HSCB: variants seen among roughly 807,000 people sequenced by gnomAD.
HSCB encodes the protein HscB mitochondrial iron-sulfur cluster cochaperone, also known as iron-sulfur cluster co-chaperone protein HscB.
Under a neutral mutation model 31.3 loss-of-function variants are expected in HSCB, and 23 were observed. The observed-to-expected ratio is 0.74, with a 90% CI of 0.53 to 1.04. The LOEUF is 1.04. Among genes scored for constraint, HSCB ranks in the 50% least tolerant of loss-of-function variants. The pLI is 0.00. For missense variants in HSCB, 297 were observed against 288.1 expected, an observed-to-expected ratio of 1.03 and a Z score of -0.22; for synonymous variants, 110 against 104.5, an observed-to-expected ratio of 1.05 and a Z score of -0.32.
chr22:28,744,759 T>C lies in HSCB; in HGVS notation c.423+55T>C, dbSNP rs529332381. ...TGACGTCCTGATGCCCATTATGGCG[T>C]AGGACAGCCACGTCCCCTTTATTCA... On this transcript the variant is annotated intron_variant, in intron 3 of 5. Coordinates refer to ENST00000216027, the MANE Select transcript of HSCB (RefSeq NM_172002.5). 3.1e-5 allele frequency: 42 copies of C among 1,341,856 alleles called. No homozygotes were observed. The South Asian group carries it at 3.6e-4, about 12-fold the overall frequency. 83.1% of individuals were successfully genotyped at this position (1,341,856 alleles called of 1,614,324 possible).
chr22:28,748,502 G>T (rs554574362), intron 4 of HSCB, among the ~76,000 whole-genome samples: 2 of 148,440 alleles, frequency 1.3e-5, no homozygotes, highest in Admixed American at 6.8e-5. Context: ...AAACCCAAGC[G>T]TTTTTTTTTG....
Position 28,742,292 on chromosome 22 carries a change from C to T in HSCB, c.197C>T (p.Ala66Val). 1 of 1,614,154 alleles carries T rather than the reference C, an allele frequency of 6.2e-7. No homozygotes were observed. Among genetic ancestry groups the T allele is most frequent in the Admixed American group, 1.7e-5 (1 of 60,018 alleles). ...FFCPQCRALQ[A>V]PDPTRDYFSL... Reference sequence around the variant, plus strand: ...TGCCCACAGTGCCGAGCGCTGCAGGCACCTGACCCCACTCGAGACTACTTC... The same window carrying T: ...TGCCCACAGTGCCGAGCGCTGCAGGTACCTGACCCCACTCGAGACTACTTC... The change falls in exon 1 of 6, where the codon GCA becomes GTA. Residue 66 changes from alanine to valine, a missense_variant. Physicochemically the swap from Ala to Val is moderately conservative, Grantham distance 64 (BLOSUM62 0). Coordinates refer to ENST00000216027, the MANE Select transcript of HSCB (RefSeq NM_172002.5).
At chr22:28,742,374 C>T (rs2054583918) in intron 1 of HSCB, 43 bp downstream of exon 1, 1 of 1,601,050 alleles carries the variant, frequency 6.2e-7, no homozygotes, top group Non-Finnish European at 8.5e-7. Context: ...GCGAGAGACA[C>T]GTCGAGGTCT....
chr22:28,754,938 G>T (rs1373487999), intron 5 of HSCB, among the ~76,000 whole-genome samples: 1 of 150,628 alleles, frequency 6.6e-6, no homozygotes, highest in Non-Finnish European at 1.5e-5. Context: ...TGTGATTACA[G>T]GAGCCTGCCA....
chr22:28,747,591 A>G (rs2029921612), intron 4 of HSCB, among the ~76,000 whole-genome samples: 2 of 152,154 alleles, frequency 1.3e-5, no homozygotes, highest in African/African-American at 2.4e-5. Flanking sequence ...GTGTGACTCA[A>G]TGTGCCTGGC....
intron 5 of HSCB, among the ~76,000 whole-genome samples, chr22:28,752,509 C>T (rs1256362746): frequency 2.0e-5 from 3 of 150,922 alleles, no homozygotes; most frequent in South Asian, 2.1e-4. Context: ...CTGAGGCTGG[C>T]GGATCACAAG....
Position 28,742,321 on chromosome 22 carries a change from C to T in HSCB, c.226C>T (p.Leu76Phe). Reference sequence around the variant, plus strand: ...TGACCCCACTCGAGACTACTTCAGCCTTATGGACTGGTACGAGCGACGGTT... The same window carrying T: ...TGACCCCACTCGAGACTACTTCAGCTTTATGGACTGGTACGAGCGACGGTT... ...APDPTRDYFS[L>F]MDCNRSFRVD... is the part of the protein sequence containing the mutation. Residue 76 changes from leucine (L) to phenylalanine (F), a missense_variant, in exon 1 of 6, where the codon CTT becomes TTT. By Grantham distance (22) the Leu-to-Phe change is conservative. Transcript: ENST00000216027. The T allele has an allele frequency of 1.2e-6, 2 of 1,613,374 alleles. No individual in the cohort carries two copies. The highest frequency in any genetic ancestry group is 8.5e-7 in the Non-Finnish European group (1 of 1,179,462).
intron 5 of HSCB, among the ~76,000 whole-genome samples, chr22:28,755,715 C>T (rs1257237297): frequency 6.6e-6 from 1 of 152,094 alleles, no homozygotes; most frequent in Non-Finnish European, 1.5e-5. Context: ...TTCATTTTAG[C>T]ACTCTTCACA....
At chr22:28,748,104 G>A (rs2146213405) in intron 4 of HSCB, among the ~76,000 whole-genome samples, 1 of 152,310 alleles carries the variant, frequency 6.6e-6, no homozygotes, top group Non-Finnish European at 1.5e-5. Context: ...AGAATCGCTT[G>A]AACCCGGGAG....
Position 28,757,139 on chromosome 22 carries a change from A to C in HSCB, c.678A>C (p.Glu226Asp). The C allele has an allele frequency of 1.3e-6, 2 of 1,563,916 alleles. No homozygotes were observed. The highest frequency in any genetic ancestry group is 8.8e-7 in the Non-Finnish European group (1 of 1,134,984). ...TKMRYFSNIE[E>D]KIKLKKIPL ...TGAGATACTTTTCAAATATAGAAGA[A>C]AAGATCAAGTTAAAGAAGATTCCCC... The change falls in exon 6 of 6, where the codon GAA becomes GAC. Residue 226 changes from glutamate to aspartate, a missense_variant. Coordinates refer to ENST00000216027, the MANE Select transcript of HSCB (RefSeq NM_172002.5).
At chr22:28,744,552 A>C in intron 2 of HSCB, 63 bp from the exon 3 acceptor site, 2 of 1,311,884 alleles carry the variant, frequency 1.5e-6, no homozygotes, top group Non-Finnish European at 2.2e-6. Context: ...TCAAAACAAA[A>C]ACAAAAACAA....
At chr22:28,744,014 T>C in intron 2 of HSCB, 36 bp downstream of exon 2, 1 of 1,432,654 alleles carries the variant, frequency 7.0e-7, no homozygotes, top group Non-Finnish European at 9.9e-7. Context: ...TCCCCAAATA[T>C]GTGTGCACAC....
chr22:28,756,459 C>T (rs1482994249), intron 5 of HSCB, among the ~76,000 whole-genome samples: 1 of 142,752 alleles, frequency 7.0e-6, no homozygotes, highest in Non-Finnish European at 1.5e-5. Context: ...AAAACACAAC[C>T]ACCCACCCTT....
intron 5 of HSCB, among the ~76,000 whole-genome samples, chr22:28,752,733 C>CA (rs374738245): frequency 0.26 from 32,804 of 128,124 alleles, 3,950 homozygotes; most frequent in East Asian, 0.43. Context: ...GACTCCATCT[C>CA]AAAAAAAAAA....
intron 5 of HSCB, 29 bp from the exon 6 acceptor site, chr22:28,757,049 C>G: frequency 7.8e-7 from 1 of 1,276,206 alleles, no homozygotes; most frequent in Non-Finnish European, 1.1e-6. Context: ...TGAAATGAAG[C>G]CTGACTTCAG....
chr22:28,745,584 T>C lies in HSCB; in HGVS notation c.424-280T>C, dbSNP rs150774080. ...GTATCTTACAATCTAGAAAATTTTA[T>C]AATTGAATAGAATCTTTACAAACAT... On this transcript the variant is annotated intron_variant, in intron 3 of 5. Coordinates refer to ENST00000216027, the MANE Select transcript of HSCB (RefSeq NM_172002.5). The C allele has an allele frequency of 5.7e-4, 124 of 219,364 alleles. 1 individual carries two copies. Among genetic ancestry groups the C allele is most frequent in the Non-Finnish European group, 8.9e-4 (100 of 112,204 alleles). The allele number at this position is 219,364 out of a possible 1,614,324, so 13.6% of individuals were successfully genotyped here.
rs565133201 is a variant in HSCB, at chr22:28,744,106, C to T, written c.333+128C>T. 1,655 of 768,092 alleles carry T rather than the reference C, an allele frequency of 2.2e-3. 5 individuals carry two copies. The highest frequency in any genetic ancestry group is 3.3e-3 in the Non-Finnish European group (1,444 of 439,614). The allele number at this position is 768,092 out of a possible 1,614,324, so 47.6% of individuals were successfully genotyped here. ...CTGTGTCTGCCCCATGGCAGTCTGA[C>T]CCCAGCCTGTCAGACCCAGAGCTGC... On this transcript the variant is annotated intron_variant, in intron 2 of 5. Coordinates refer to ENST00000216027, the MANE Select transcript of HSCB (RefSeq NM_172002.5).
intron 4 of HSCB, among the ~76,000 whole-genome samples, chr22:28,746,402 A>AG (rs1228113819): frequency 1.5e-5 from 2 of 137,670 alleles, no homozygotes; most frequent in African/African-American, 5.4e-5. Context: ...AAAAAAAAAA[A>AG]GGTTATTTAT....
At chr22:28,750,246 T>C (rs2030122305) in intron 4 of HSCB, among the ~76,000 whole-genome samples, 1 of 23,400 alleles carries the variant, frequency 4.3e-5, no homozygotes, top group Admixed American at 6.6e-4. Context: ...CGAAACTGTC[T>C]CAAAAAAAAA....
Sources: allele counts gnomAD v4.1 joint callset (sites outside exome capture counted in the v4.1 genomes callset), GRCh38; gene constraint gnomAD v4.1.1; transcripts MANE v1.5; gene names NCBI Gene and HGNC (gene_info 2026-07-23, HGNC 2026-07-21).